PSTPIP1: variants seen among roughly 807,000 people sequenced by gnomAD.
PSTPIP1 encodes the protein proline-serine-threonine phosphatase-interacting protein 1.
A neutral mutation model predicts 69.6 loss-of-function variants in PSTPIP1; 66 were observed. The observed-to-expected ratio is 0.95, with a 90% CI of 0.78 to 1.16. The LOEUF (loss-of-function observed/expected upper bound fraction) is 1.16, where lower values mean the gene tolerates loss of function less well. Ranked by LOEUF, PSTPIP1 falls within the 50% of genes most tolerant of loss-of-function variation. The probability of loss-of-function intolerance (pLI) is 0.00; values close to 1 mark genes in which losing one functional copy is unlikely to be tolerated. For missense variants in PSTPIP1, 603 were observed against 557.4 expected (o/e 1.08, Z -0.82); for synonymous variants, 266 against 222.7 (o/e 1.19, Z -1.73).
At chr15:77,018,950 G>C (rs1045406969) in intron 3 of PSTPIP1, among the ~76,000 whole-genome samples, 7 of 152,176 alleles carry the variant, frequency 4.6e-5, no homozygotes, top group Non-Finnish European at 7.4e-5. Context: ...CCTGGGTTCC[G>C]GTGTCAGCTC....
chr15:77,027,396 G>A lies in PSTPIP1; in HGVS notation c.355-456G>A, dbSNP rs997123182. 4.6e-5 allele frequency among the ~76,000 whole-genome samples: 7 copies of A among 152,194 alleles called. No individual in the cohort carries two copies. The highest frequency in any genetic ancestry group is 3.3e-4 in the Admixed American group (5 of 15,288). On this transcript the variant is annotated intron_variant, in intron 5 of 14. Coordinates refer to ENST00000558012, the MANE Select transcript of PSTPIP1 (RefSeq NM_003978.5). This position sits in a 1 kb window ranked among gnomAD's most constrained non-coding sequence, Gnocchi z 4.3. The stretch of plus-strand genomic sequence containing the variant: ...GAGTGTGTACTTGTGAGTGGCATCT[G>A]TGGGTGTGCACAGGAATGCCTGTGA...
intron 3 of PSTPIP1, among the ~76,000 whole-genome samples, chr15:77,023,393 C>T (rs909489637): frequency 2.0e-5 from 3 of 152,048 alleles, no homozygotes; most frequent in African/African-American, 4.8e-5. Context: ...AAGCAACGGG[C>T]GGAGGGGCAG....
chr15:76,994,740 G>A (rs1206967065), upstream of PSTPIP1: 4 of 1,288,716 alleles, frequency 3.1e-6, no homozygotes, highest in South Asian at 1.2e-5. Context: ...CCAGACTATG[G>A]GCTCCTTGAG....
Position 77,037,111 on chromosome 15 carries a change from T to G in PSTPIP1, c.1186T>G (p.Trp396Gly). 1.9e-6 allele frequency: 3 copies of G among 1,612,336 alleles called. No individual in the cohort carries two copies. The highest frequency in any genetic ancestry group is 2.5e-6 in the Non-Finnish European group (3 of 1,179,686). The change falls in exon 15 of 15, where the codon TGG becomes GGG. Residue 396 changes from tryptophan to glycine, a missense_variant. Transcript: ENST00000558012. ...LEVILEGEDG[W>G]WTVERNGQRG... Reference sequence around the variant, plus strand: ...GGTGATCCTGGAAGGGGAGGATGGCTGGTGGACTGTGGAGAGGAACGGGCA... The same window carrying G: ...GGTGATCCTGGAAGGGGAGGATGGCGGGTGGACTGTGGAGAGGAACGGGCA...
chr15:76,995,425 G>A lies in PSTPIP1; in HGVS notation c.-149G>A, dbSNP rs1262819741. 6.7e-7 allele frequency: 1 copy of A among 1,502,250 alleles called. No individual in the cohort carries two copies. Among genetic ancestry groups the A allele is most frequent in the Non-Finnish European group, 8.9e-7 (1 of 1,129,210 alleles). The allele number at this position is 1,502,250 out of a possible 1,614,324, so 93.1% of individuals were successfully genotyped here. The stretch of plus-strand genomic sequence containing the variant: ...CTCAGAAGCTCCTCTCTGGCTCGTG[G>A]CTGCCTTCTGAGTGTTGCAGACGGC... On this transcript the variant is annotated 5_prime_UTR_variant, in exon 1 of 15. Transcript: ENST00000558012.
At chr15:76,998,642 G>A (rs1280832565) in intron 1 of PSTPIP1, among the ~76,000 whole-genome samples, 1 of 152,202 alleles carries the variant, frequency 6.6e-6, no homozygotes, top group East Asian at 1.9e-4. Context: ...CGTTTCACAG[G>A]CAGCTAGCAG....
In PSTPIP1 at chr15:77,008,479, G is replaced by A. The variant is rs376655096; in HGVS notation, c.37-9669G>A. On this transcript the variant is annotated intron_variant, in intron 1 of 14. Coordinates refer to ENST00000558012, the MANE Select transcript of PSTPIP1 (RefSeq NM_003978.5). ...GGCTGGAGTGCAGTGGCACCGTGTC[G>A]GCTCACTGCAACCTCCGTCTCCTGG... Among the ~76,000 whole-genome samples, 11 of 152,156 alleles carry A rather than the reference G, an allele frequency of 7.2e-5. No homozygotes were observed. In the East Asian group the frequency reaches 9.7e-4, roughly 13 times the overall value.
At chr15:77,004,715 CTGT>C (rs2075780976) in intron 1 of PSTPIP1, among the ~76,000 whole-genome samples, 1 of 150,614 alleles carries the variant, frequency 6.6e-6, no homozygotes, top group African/African-American at 2.4e-5. Flanking sequence ...CAAAAATTAG[CTGT>C]ACCTGGTGGT....
Position 77,029,714 on chromosome 15 carries a change from C to T in PSTPIP1, c.562+140C>T, listed in dbSNP as rs529846818. The stretch of plus-strand genomic sequence containing the variant: ...GCGGCGCTCTCATTCCAGATATGTG[C>T]CGTCAAAGTAAACGCTGTGTTCCCC... On this transcript the variant is annotated intron_variant, in intron 8 of 14. Coordinates refer to ENST00000558012, the MANE Select transcript of PSTPIP1 (RefSeq NM_003978.5). 3 of 1,035,410 alleles carry T rather than the reference C, an allele frequency of 2.9e-6. No homozygotes were observed. In the African/African-American group the frequency reaches 4.8e-5, roughly 17 times the overall value. The allele number at this position is 1,035,410 out of a possible 1,614,324, so 64.1% of individuals were successfully genotyped here.
chr15:77,028,304 C>T (rs1403480322), intron 6 of PSTPIP1: 7 of 513,010 alleles, frequency 1.4e-5, no homozygotes, highest in Admixed American at 7.1e-5. Context: ...AGAGCACAGC[C>T]CAGGAGGCGG....
At chr15:76,994,745 C>A (rs1472351529), upstream of PSTPIP1, 8 of 1,289,076 alleles carry the variant, frequency 6.2e-6, no homozygotes, top group Non-Finnish European at 8.1e-6. Context: ...CTATGGGCTC[C>A]TTGAGGGCAG....
intron 3 of PSTPIP1, among the ~76,000 whole-genome samples, chr15:77,021,217 G>C (rs568632534): frequency 6.6e-6 from 1 of 152,320 alleles, no homozygotes; most frequent in South Asian, 2.1e-4. Flanking sequence ...GCCACCCTCA[G>C]GCCTGGAGGC....
intron 1 of PSTPIP1, among the ~76,000 whole-genome samples, chr15:77,017,856 A>C (rs372481689): frequency 1.3e-5 from 2 of 152,190 alleles, no homozygotes; most frequent in Non-Finnish European, 2.9e-5. Context: ...CCCATCTGCT[A>C]TCTCATGCTG....
intron 5 of PSTPIP1, among the ~76,000 whole-genome samples, chr15:77,026,348 G>A (rs977885349): frequency 6.6e-6 from 1 of 152,172 alleles, no homozygotes; most frequent in African/African-American, 2.4e-5. Context: ...CCTGCACAGG[G>A]TGGCAGGGCA....
At chr15:77,008,093 G>A in intron 1 of PSTPIP1, 1 of 455,828 alleles carries the variant, frequency 2.2e-6, no homozygotes, top group Non-Finnish European at 4.4e-6. Flanking sequence ...TGGAGGGCGG[G>A]AGATCAGCAC....
rs910863228 is a variant in PSTPIP1, at chr15:77,018,600, T to A, written c.212+69T>A. The stretch of plus-strand genomic sequence containing the variant: ...GCAGTTTCTGGGCCTTTAGATGAGG[T>A]TTAGGTCTTCCTGGCATGGGGGAGG... On this transcript the variant is annotated intron_variant, in intron 3 of 14. Transcript: ENST00000558012. The A allele has an allele frequency of 3.5e-6, 5 of 1,433,530 alleles. No homozygotes were observed. The African/African-American group carries it at 5.8e-5, about 17-fold the overall frequency. 88.8% of individuals were successfully genotyped at this position (1,433,530 alleles called of 1,614,324 possible).
At chr15:77,033,815 GA>G (rs2076482150) in intron 12 of PSTPIP1, among the ~76,000 whole-genome samples, 1 of 86,832 alleles carries the variant, frequency 1.2e-5, no homozygotes, top group Admixed American at 9.7e-5. Flanking sequence ...CCCGTGCTTA[GA>G]GAGGGCACAC....
Position 77,030,907 on chromosome 15 carries a change from T to A in PSTPIP1, c.643-273T>A, listed in dbSNP as rs575417439. On this transcript the variant is annotated intron_variant, in intron 9 of 14. Coordinates refer to ENST00000558012, the MANE Select transcript of PSTPIP1 (RefSeq NM_003978.5). Reference sequence around the variant, plus strand: ...TGGGGAACAGGGCTCAGGACTCCCGTCCGAGGTCCCTCTCACTACCCTTCT... The same window carrying A: ...TGGGGAACAGGGCTCAGGACTCCCGACCGAGGTCCCTCTCACTACCCTTCT... Among the ~76,000 whole-genome samples the A allele has an allele frequency of 2.0e-5, 3 of 152,308 alleles. No individual in the cohort carries two copies. In the East Asian group the frequency reaches 5.8e-4, roughly 29 times the overall value.
chr15:77,013,592 C>T (rs2075988639), intron 1 of PSTPIP1, among the ~76,000 whole-genome samples: 1 of 152,214 alleles, frequency 6.6e-6, no homozygotes, highest in Non-Finnish European at 1.5e-5. Context: ...CAGCCTTCCA[C>T]TTCCAACCTC....
Sources: allele counts gnomAD v4.1 joint callset (sites outside exome capture counted in the v4.1 genomes callset), GRCh38; gene constraint gnomAD v4.1.1; non-coding constraint Gnocchi (gnomAD v3.1); transcripts MANE v1.5; gene names NCBI Gene and HGNC (gene_info 2026-07-23, HGNC 2026-07-21).